TNKS1BP1: variants seen among roughly 807,000 people sequenced by gnomAD.
The protein encoded by TNKS1BP1 is CCR4-NOT transcription complex subunit 12.
Under a neutral mutation model 141.1 loss-of-function variants are expected in TNKS1BP1, and 48 were observed. The observed-to-expected ratio is 0.34, with a 90% confidence interval of 0.27 to 0.43. The LOEUF (loss-of-function observed/expected upper bound fraction) is 0.43, where lower values mean the gene tolerates loss of function less well. Ranked by LOEUF, TNKS1BP1 falls within the 20% of genes least tolerant of loss-of-function variation. The probability of loss-of-function intolerance (pLI) is 1.00; values close to 1 mark genes in which losing one functional copy is unlikely to be tolerated. For missense variants in TNKS1BP1, 2,149 were observed against 2,226.0 expected (o/e 0.97, Z 0.70); for synonymous variants, 875 against 898.2 (o/e 0.97, Z 0.46).
At chr11:57,324,294 T>C (rs1291858744) in intron 1 of TNKS1BP1, among the ~76,000 whole-genome samples, 1 of 152,042 alleles carries the variant, frequency 6.6e-6, no homozygotes, top group African/African-American at 2.4e-5. Context: ...ATGGGCTGTC[T>C]GGAGGGGCCC....
In TNKS1BP1 at chr11:57,308,664, C is replaced by A. The variant is rs148991284; in HGVS notation, c.4047G>T (p.Ala1349=). The A allele has an allele frequency of 1.2e-6, 2 of 1,612,858 alleles. No individual in the cohort carries two copies. The highest frequency in any genetic ancestry group is 3.3e-5 in the Admixed American group (2 of 60,004). ...CCCCAAAGAGCTCCACATTCTGGGG[C>A]GCCAAGTCCTGGGTCCAGTCCATCT... The part of the protein sequence containing the change: ...VGQMDWTQDL[A]PQNVELFGAP... The change falls in exon 6 of 12, where the codon GCG becomes GCT. Residue 1349 remains alanine (A), a synonymous_variant. Coordinates refer to ENST00000358252, the MANE Select transcript of TNKS1BP1 (RefSeq NM_033396.3).
At chr11:57,310,789 T>C (rs1337233559) in intron 5 of TNKS1BP1, among the ~76,000 whole-genome samples, 1 of 152,164 alleles carries the variant, frequency 6.6e-6, no homozygotes, top group Non-Finnish European at 1.5e-5. Context: ...TGAGATCATT[T>C]AGACCAAGCA....
chr11:57,302,426 C>T lies in TNKS1BP1; in HGVS notation c.4683+33G>A. 6.4e-7 allele frequency: 1 copy of T among 1,560,846 alleles called. No individual in the cohort carries two copies. The highest frequency in any genetic ancestry group is 8.7e-7 in the Non-Finnish European group (1 of 1,148,190). ...GGGGCTCTCGCTGCATCGCCCTCAC[C>T]CACCCACTGTCATGGGCTCACCCTC... On this transcript the variant is annotated intron_variant, in intron 7 of 11. Transcript: ENST00000358252. The surrounding 1 kb of genome is among the most constrained non-coding windows in gnomAD (Gnocchi z 5.5).
chr11:57,314,204 G>A lies in TNKS1BP1; in HGVS notation c.799-315C>T, dbSNP rs535004669. Among the ~76,000 whole-genome samples the A allele has an allele frequency of 3.9e-5, 6 of 152,326 alleles. No individual in the cohort carries two copies. The East Asian group carries it at 1.2e-3, about 29-fold the overall frequency. On this transcript the variant is annotated intron_variant, in intron 4 of 11. Coordinates refer to ENST00000358252, the MANE Select transcript of TNKS1BP1 (RefSeq NM_033396.3). ...AAGCTCATGTGAGGATCTCCTCAGA[G>A]GCCACAGTTCGGGGTCCATAACACC...
intron 3 of TNKS1BP1, among the ~76,000 whole-genome samples, chr11:57,319,457 C>A (rs894939668): frequency 1.3e-5 from 2 of 152,136 alleles, no homozygotes; most frequent in Non-Finnish European, 2.9e-5. Context: ...GTGCCCAGCT[C>A]TCAGTATATA....
At chr11:57,306,684 C>T (rs1162111784) in intron 6 of TNKS1BP1, among the ~76,000 whole-genome samples, 1 of 152,092 alleles carries the variant, frequency 6.6e-6, no homozygotes, top group African/African-American at 2.4e-5. Flanking sequence ...CCCCTGAACT[C>T]GGGTTAAAGT....
chr11:57,322,348 G>C (rs771029821), intron 1 of TNKS1BP1: 110 of 985,628 alleles, frequency 1.1e-4, no homozygotes, highest in Non-Finnish European at 1.3e-4. Flanking sequence ...CACGGGAGAC[G>C]GGAAAAACCC....
chr11:57,305,601 G>A (rs1183079957), intron 6 of TNKS1BP1, among the ~76,000 whole-genome samples: 1 of 152,162 alleles, frequency 6.6e-6, no homozygotes. Flanking sequence ...TAGAGAAATA[G>A]CAGCTGACCT....
At chr11:57,314,186 T>C (rs984564369) in intron 4 of TNKS1BP1, among the ~76,000 whole-genome samples, 1 of 152,214 alleles carries the variant, frequency 6.6e-6, no homozygotes, top group Non-Finnish European at 1.5e-5. Flanking sequence ...CCAAAGCTCA[T>C]GTGAGGATCT....
intron 5 of TNKS1BP1, chr11:57,311,430 G>GGCT (rs1230005607): frequency 1.0e-6 from 1 of 985,788 alleles, no homozygotes; most frequent in Non-Finnish European, 1.2e-6. Context: ...GATAGAGCTG[G>GGCT]GCTGCTACCC....
intron 4 of TNKS1BP1, among the ~76,000 whole-genome samples, chr11:57,315,745 A>C (rs1234192585): frequency 1.5e-5 from 2 of 131,744 alleles, no homozygotes; most frequent in Non-Finnish European, 3.2e-5. Context: ...AACCCCCGAC[A>C]ACCCCCCCAC....
chr11:57,311,371 C>T (rs1174489852), intron 5 of TNKS1BP1: 15 of 985,652 alleles, frequency 1.5e-5, no homozygotes, highest in South Asian at 4.7e-5. Flanking sequence ...CATGGCCCCC[C>T]GCCCCCAACC....
chr11:57,310,628 G>C, intron 5 of TNKS1BP1, 72 bp from the exon 6 acceptor site: 13 of 1,529,442 alleles, frequency 8.5e-6, no homozygotes, highest in Non-Finnish European at 1.1e-5. Context: ...CAATCCAGCA[G>C]AGTCAGCGCT....
chr11:57,316,120 C>T (rs1855795299), intron 4 of TNKS1BP1, among the ~76,000 whole-genome samples: 2 of 152,226 alleles, frequency 1.3e-5, no homozygotes, highest in Admixed American at 6.5e-5. Context: ...TGCCACCTAA[C>T]TACTCTCGTC....
intron 6 of TNKS1BP1, 87 bp downstream of exon 6, chr11:57,308,306 CTG>C (rs1855643551): frequency 6.7e-7 from 1 of 1,498,044 alleles, no homozygotes; most frequent in African/African-American, 1.4e-5. Flanking sequence ...TCAGGAAAAA[CTG>C]TTTCTTCCCT....
At chr11:57,314,377 G>A (rs922061095) in intron 4 of TNKS1BP1, among the ~76,000 whole-genome samples, 10 of 152,348 alleles carry the variant, frequency 6.6e-5, no homozygotes, top group African/African-American at 1.7e-4. Context: ...TGGCTACAGC[G>A]TGCAGGGGGT....
At position 57,321,886 on chromosome 11, in the gene TNKS1BP1, C is replaced by T. The variant is rs754753667; in HGVS notation, c.-1G>A. On this transcript the variant is annotated 5_prime_UTR_variant, in exon 2 of 12. Coordinates refer to ENST00000358252, the MANE Select transcript of TNKS1BP1 (RefSeq NM_033396.3). ...TTTCCCTGAGAGTAGACACTTTCAT[C>T]ACATGCGGCAGACCCTCCTTGAGAG... 7 of 1,614,042 alleles carry T rather than the reference C, an allele frequency of 4.3e-6. No individual in the cohort carries two copies. The highest frequency in any genetic ancestry group is 5.9e-6 in the Non-Finnish European group (7 of 1,179,956).
In TNKS1BP1 at chr11:57,302,780, G is replaced by T. The variant is rs772877770; in HGVS notation, c.4362C>A (p.Gly1454=). The change falls in exon 7 of 12, where the codon GGC becomes GGA. Residue 1454 remains glycine, a synonymous_variant. Transcript: ENST00000358252. This position sits in a 1 kb window ranked among gnomAD's most constrained non-coding sequence, Gnocchi z 5.5. ...TGGCTGCCAGCATCTCCTCCAGCAG[G>T]CCCTGGGAGCCGGAGGGTGGGGGGC... is the stretch of plus-strand genomic sequence containing the variant. The part of the protein sequence containing the change: ...PARPPPSGSQ[G]LLEEMLAASS... 30 of 1,557,210 alleles carry T rather than the reference G, an allele frequency of 1.9e-5. No homozygotes were observed. Among genetic ancestry groups the T allele is most frequent in the Non-Finnish European group, 2.6e-5 (30 of 1,154,828 alleles).
intron 4 of TNKS1BP1, among the ~76,000 whole-genome samples, 174 bp downstream of exon 4, chr11:57,317,644 T>C (rs987321552): frequency 6.6e-6 from 1 of 152,222 alleles, no homozygotes; most frequent in African/African-American, 2.4e-5. Flanking sequence ...ACTTTGGTGA[T>C]CAAGAGCACT....
Sources: gnomAD v4.1 joint callset for allele counts (sites outside exome capture counted in the v4.1 genomes callset) on GRCh38, gnomAD v4.1.1 for gene constraint, Gnocchi (gnomAD v3.1) non-coding constraint, MANE v1.5 for transcripts, NCBI Gene and HGNC (gene_info 2026-07-23, HGNC 2026-07-21) for gene names.